GSTCD: variants seen among roughly 807,000 people sequenced by gnomAD.
The protein encoded by GSTCD is glutathione S-transferase C-terminal domain containing.
GSTCD carries 44 observed loss-of-function variants against 68.3 expected under a neutral mutation model. That is an observed-to-expected ratio of 0.64 (90% CI 0.51 to 0.83). GSTCD has a LOEUF of 0.83. GSTCD is among the 40% of genes least tolerant of loss of function. GSTCD has a pLI of 0.00. For missense variants in GSTCD, 739 were observed against 735.9 expected, an observed-to-expected ratio of 1.00 and a Z score of -0.05; for synonymous variants, 273 against 255.2, an observed-to-expected ratio of 1.07 and a Z score of -0.67.
At chr4:105,834,423 G>A in intron 8 of GSTCD, 38 bp from the exon 9 acceptor site, 1 of 1,603,048 alleles carries the variant, frequency 6.2e-7, no homozygotes, top group Non-Finnish European at 8.5e-7. Flanking sequence ...TGTGAGTTAA[G>A]AGGGAACTTA....
intron 5 of GSTCD, among the ~76,000 whole-genome samples, chr4:105,790,587 G>C (rs1735626442): frequency 6.6e-6 from 1 of 152,076 alleles, no homozygotes; most frequent in South Asian, 2.1e-4. Context: ...GCTCCAGTGA[G>C]CTATGATTGC....
chr4:105,730,740 A>G (rs559374175), intron 5 of GSTCD, among the ~76,000 whole-genome samples: 1 of 152,232 alleles, frequency 6.6e-6, no homozygotes, highest in South Asian at 2.1e-4. Context: ...GAAGATCTTT[A>G]GTTTAATTAG....
intron 3 of GSTCD, among the ~76,000 whole-genome samples, chr4:105,725,919 C>G (rs1733014743): frequency 1.3e-5 from 2 of 152,090 alleles, no homozygotes; most frequent in Non-Finnish European, 2.9e-5. Context: ...ATACTGGAAC[C>G]TCCATGGATT....
intron 5 of GSTCD, among the ~76,000 whole-genome samples, chr4:105,733,641 A>T (rs1035796390): frequency 6.6e-6 from 1 of 152,168 alleles, no homozygotes; most frequent in African/African-American, 2.4e-5. Context: ...CTCTTTATCC[A>T]ATTTGCCAGT....
At chr4:105,722,959 T>G (rs1382723337) in intron 3 of GSTCD, among the ~76,000 whole-genome samples, 1 of 151,992 alleles carries the variant, frequency 6.6e-6, no homozygotes, top group Non-Finnish European at 1.5e-5. Flanking sequence ...CCTTCTGAGC[T>G]ATCTGGATAT....
chr4:105,825,867 A>C, intron 8 of GSTCD, 67 bp downstream of exon 8: 2 of 946,282 alleles, frequency 2.1e-6, no homozygotes, highest in South Asian at 3.4e-5. Flanking sequence ...CCTTAGAGTA[A>C]ATAAAAAAGA....
chr4:105,752,442 GTATTA>G (rs539702630), intron 5 of GSTCD, among the ~76,000 whole-genome samples: 265 of 152,136 alleles, frequency 1.7e-3, no homozygotes, highest in African/African-American at 6.1e-3. Context: ...TATCAAGGGT[GTATTA>G]TATACAATCT....
intron 1 of GSTCD, among the ~76,000 whole-genome samples, chr4:105,713,336 C>A (rs1017779064): frequency 3.9e-5 from 6 of 152,112 alleles, no homozygotes; most frequent in African/African-American, 1.4e-4. Context: ...AGAATTTAAT[C>A]CAGTGCAGAA....
At chr4:105,827,647 C>T (rs777722287) in intron 8 of GSTCD, among the ~76,000 whole-genome samples, 1 of 151,718 alleles carries the variant, frequency 6.6e-6, no homozygotes, top group African/African-American at 2.4e-5. Flanking sequence ...AGTATACACA[C>T]AAAAAAATTT....
chr4:105,709,449 C>G (rs1047279040), intron 1 of GSTCD, among the ~76,000 whole-genome samples: 6 of 152,136 alleles, frequency 3.9e-5, no homozygotes, highest in Non-Finnish European at 5.9e-5. Context: ...GAAAGCAGTT[C>G]TATGTGAATA....
chr4:105,838,194 G>A (rs553482859), intron 10 of GSTCD, among the ~76,000 whole-genome samples: 24 of 152,274 alleles, frequency 1.6e-4, no homozygotes, highest in African/African-American at 5.8e-4. Context: ...GTTGCTCATG[G>A]CAATAGTGGT....
At chr4:105,828,341 T>C (rs1269377423) in intron 8 of GSTCD, among the ~76,000 whole-genome samples, 2 of 152,220 alleles carry the variant, frequency 1.3e-5, no homozygotes, top group Admixed American at 6.5e-5. Flanking sequence ...TGTGTAATTA[T>C]AGACTGTAAT....
chr4:105,769,227 A>ACGCGCG (rs1249963113), intron 5 of GSTCD, among the ~76,000 whole-genome samples: 22 of 62,062 alleles, frequency 3.5e-4, no homozygotes, highest in African/African-American at 1.4e-3. Context: ...TATACTATAC[A>ACGCGCG]CGCGCGCACA....
intron 5 of GSTCD, among the ~76,000 whole-genome samples, chr4:105,808,269 T>C (rs916023486): frequency 1.2e-4 from 18 of 152,134 alleles, no homozygotes; most frequent in African/African-American, 4.3e-4. Flanking sequence ...TTAGTCCTTA[T>C]ACCTCCACTG....
At position 105,786,270 on chromosome 4, in the gene GSTCD, G is replaced by A. The variant is rs187858813; in HGVS notation, c.1241-36684G>A. Among the ~76,000 whole-genome samples, 17 of 152,162 alleles carry A rather than the reference G, an allele frequency of 1.1e-4. 1 individual carries two copies. Among genetic ancestry groups the A allele is most frequent in the African/African-American group, 3.9e-4 (16 of 41,462 alleles). ...CATGCCTGTAAATCCTAGCACTTTCGGAGGCTGAGGCAGGCAGATCACTTG... is the reference window on the plus strand; with the variant it reads ...CATGCCTGTAAATCCTAGCACTTTCAGAGGCTGAGGCAGGCAGATCACTTG... On this transcript the variant is annotated intron_variant, in intron 5 of 11. Transcript: ENST00000515279.
chr4:105,817,595 A>C (rs1202001432), intron 5 of GSTCD, among the ~76,000 whole-genome samples: 1 of 151,834 alleles, frequency 6.6e-6, no homozygotes, highest in Non-Finnish European at 1.5e-5. Flanking sequence ...TGGCTTTAAA[A>C]ATGTAAAATT....
At chr4:105,769,720 T>G (rs1270026202) in intron 5 of GSTCD, among the ~76,000 whole-genome samples, 1 of 152,134 alleles carries the variant, frequency 6.6e-6, no homozygotes, top group Admixed American at 6.6e-5. Flanking sequence ...CCCTGATTTT[T>G]TGTGTATATG....
At chr4:105,836,272 A>C (rs1314124512) in intron 9 of GSTCD, among the ~76,000 whole-genome samples, 3 of 152,200 alleles carry the variant, frequency 2.0e-5, no homozygotes, top group Non-Finnish European at 2.9e-5. Flanking sequence ...TAAGTCTGGC[A>C]GAGTCCGGGG....
chr4:105,725,505 T>C (rs1733001893), intron 3 of GSTCD, among the ~76,000 whole-genome samples: 1 of 152,136 alleles, frequency 6.6e-6, no homozygotes, highest in African/African-American at 2.4e-5. Context: ...TTTGGAGTTG[T>C]CAGTGTTTTG....
Sources: gnomAD v4.1 joint callset for allele counts (sites outside exome capture counted in the v4.1 genomes callset) on GRCh38, gnomAD v4.1.1 for gene constraint, MANE v1.5 for transcripts, NCBI Gene and HGNC (gene_info 2026-07-23, HGNC 2026-07-21) for gene names.